C20orf96: variants seen among roughly 807,000 people sequenced by gnomAD.
C20orf96 encodes the protein chromosome 20 open reading frame 96.
Under a neutral mutation model 52.6 loss-of-function variants are expected in C20orf96, and 57 were observed. The observed-to-expected ratio is 1.08, with a 90% CI of 0.88 to 1.35. The LOEUF is 1.35. Ranked by LOEUF, C20orf96 falls within the 40% of genes most tolerant of loss-of-function variation. C20orf96 has a pLI of 0.00. For synonymous variants in C20orf96, 168 were observed against 157.2 expected (o/e 1.07, Z -0.51); for missense variants, 478 against 443.6 (o/e 1.08, Z -0.70).
chr20:279,350 C>A lies in C20orf96; in HGVS notation c.307-20G>T, dbSNP rs749427554. ...CGAGGTCTGCGGGCGGAGGGAAGAGCAGAGAGGCGGCGCTGCGCCCTGCCC... is the reference window on the plus strand; with the variant it reads ...CGAGGTCTGCGGGCGGAGGGAAGAGAAGAGAGGCGGCGCTGCGCCCTGCCC... On this transcript the variant is annotated intron_variant, in intron 4 of 10. Transcript: ENST00000360321. 33 of 1,597,838 alleles carry A rather than the reference C, an allele frequency of 2.1e-5. No individual in the cohort carries two copies. The highest frequency in any genetic ancestry group is 2.8e-5 in the Non-Finnish European group (33 of 1,178,126).
chr20:287,360 G>C (rs1424527728), intron 3 of C20orf96, among the ~76,000 whole-genome samples: 1 of 152,112 alleles, frequency 6.6e-6, no homozygotes, highest in African/African-American at 2.4e-5. Flanking sequence ...TAGCCATTTC[G>C]ATAGGTGTGC....
chr20:284,222 C>A (rs6046939), intron 3 of C20orf96, 141 bp from the exon 4 acceptor site: 2 of 636,954 alleles, frequency 3.1e-6, no homozygotes, highest in Admixed American at 5.3e-5. Context: ...GACACTAGAC[C>A]GAGGGTGAAA....
At chr20:277,950 C>T (rs1359657755) in intron 6 of C20orf96, among the ~76,000 whole-genome samples, 2 of 152,192 alleles carry the variant, frequency 1.3e-5, no homozygotes, top group African/African-American at 4.8e-5. Flanking sequence ...CCAGAAGGAC[C>T]TTGGCAGGAA....
At chr20:287,726 C>T (rs1055114041) in intron 3 of C20orf96, among the ~76,000 whole-genome samples, 2 of 151,826 alleles carry the variant, frequency 1.3e-5, no homozygotes, top group African/African-American at 2.4e-5. Context: ...GTCACAAGTT[C>T]GAGACCAGCC....
intron 5 of C20orf96, among the ~76,000 whole-genome samples, 180 bp from the exon 6 acceptor site, chr20:278,609 A>G (rs1023557599): frequency 6.6e-6 from 1 of 151,916 alleles, no homozygotes; most frequent in African/African-American, 2.4e-5. Context: ...ATAAAGACAT[A>G]CAGATCGCTT....
chr20:278,144 G>T (rs78944940), intron 6 of C20orf96, among the ~76,000 whole-genome samples, 186 bp downstream of exon 6: 3,934 of 152,296 alleles, frequency 0.026, 81 homozygotes, highest in Non-Finnish European at 0.043. Context: ...CCCAGATACG[G>T]GGCCTGGAAA....
At chr20:276,355 G>C in intron 9 of C20orf96, 1 of 985,352 alleles carries the variant, frequency 1.0e-6, no homozygotes, top group Non-Finnish European at 1.2e-6. Context: ...TCAATCATGG[G>C]AATGAATGGA....
chr20:276,316 G>C (rs1157993313), intron 9 of C20orf96: 1 of 985,332 alleles, frequency 1.0e-6, no homozygotes, highest in African/African-American at 1.7e-5. Flanking sequence ...ATGGAGAATG[G>C]AGACAGGTTA....
At chr20:274,683 C>A (rs552064034) in intron 10 of C20orf96, among the ~76,000 whole-genome samples, 1 of 152,282 alleles carries the variant, frequency 6.6e-6, no homozygotes, top group South Asian at 2.1e-4. Flanking sequence ...TCAGCTCCCC[C>A]ATCAGTCTCT....
chr20:276,888 G>A lies in C20orf96; in HGVS notation c.826-9C>T, dbSNP rs1317555709. On this transcript the variant is annotated splice_polypyrimidine_tract_variant and intron_variant, in intron 8 of 10. Transcript: ENST00000360321. ...TAGGGACGCTGGGTTTCCTGTGGAG[G>A]AAGAAGAGGTCTGGCCCCCAGGTGC... is the stretch of plus-strand genomic sequence containing the variant. The A allele has an allele frequency of 6.2e-7, 1 of 1,613,854 alleles. No individual in the cohort carries two copies. The highest frequency in any genetic ancestry group is 1.7e-5 in the Admixed American group (1 of 59,988).
chr20:278,546 A>C (rs2012104771), intron 5 of C20orf96, 117 bp from the exon 6 acceptor site: 2 of 758,498 alleles, frequency 2.6e-6, no homozygotes, highest in Non-Finnish European at 4.8e-6. Flanking sequence ...ACCTGACCAG[A>C]GGCTAATCGG....
chr20:289,615 T>A lies in C20orf96; in HGVS notation c.131A>T (p.Gln44Leu). The A allele has an allele frequency of 6.2e-7, 1 of 1,614,134 alleles. No individual in the cohort carries two copies. Among genetic ancestry groups the A allele is most frequent in the Non-Finnish European group, 8.5e-7 (1 of 1,179,986 alleles). Residue 44 changes from glutamine (Q) to leucine (L), a missense_variant, in exon 3 of 11, where the codon CAA becomes CTA. Physicochemically the swap from Gln to Leu is moderately radical, Grantham distance 113. Coordinates refer to ENST00000360321, the MANE Select transcript of C20orf96 (RefSeq NM_153269.3). ...GCTTGTATGAAGGCTGTTGGCTTGT[T>A]GGACTGGAGGCAGAGTAGATGGCTT... The part of the protein sequence containing the change: ...ETKPSTLPPV[Q>L]QANSLHTSKM...
intron 3 of C20orf96, among the ~76,000 whole-genome samples, chr20:285,831 C>A (rs2012371093): frequency 6.6e-6 from 1 of 152,178 alleles, no homozygotes; most frequent in South Asian, 2.1e-4. Context: ...GCCTCAGCCT[C>A]CCAAAGTGCT....
At chr20:272,161 TTCTC>T (rs2011861202) in intron 10 of C20orf96, among the ~76,000 whole-genome samples, 1 of 151,978 alleles carries the variant, frequency 6.6e-6, no homozygotes, top group African/African-American at 2.4e-5. Flanking sequence ...CATTATATCA[TTCTC>T]TCTTCTTTAT....
Position 290,700 on chromosome 20 carries a change from A to G in C20orf96, c.-90T>C, listed in dbSNP as rs79138518. ...TTTTCCAACTTCCTTGTCTCAGTGTAGATCGCGCGGTAACCCAGGCCACTC... is the reference window on the plus strand; with the variant it reads ...TTTTCCAACTTCCTTGTCTCAGTGTGGATCGCGCGGTAACCCAGGCCACTC... On this transcript the variant is annotated 5_prime_UTR_variant, in exon 1 of 11. Coordinates refer to ENST00000360321, the MANE Select transcript of C20orf96 (RefSeq NM_153269.3). 6.5e-3 allele frequency: 9,970 copies of G among 1,539,576 alleles called. 563 individuals are homozygous for G. The African/African-American group carries it at 0.12, about 19-fold the overall frequency.
rs1401139154 is a variant in C20orf96, at chr20:289,605, G to C, written c.141C>G (p.Asn47Lys). ...PSTLPPVQQANSLHTSKMKTL... is the reference protein window; with the variant it reads ...PSTLPPVQQAKSLHTSKMKTL... The stretch of plus-strand genomic sequence containing the variant: ...TCTTCATTTTGCTTGTATGAAGGCT[G>C]TTGGCTTGTTGGACTGGAGGCAGAG... Residue 47 changes from asparagine to lysine, a missense_variant, in exon 3 of 11, where the codon AAC becomes AAG. Coordinates refer to ENST00000360321, the MANE Select transcript of C20orf96 (RefSeq NM_153269.3). 1 of 1,614,106 alleles carries C rather than the reference G, an allele frequency of 6.2e-7. No individual in the cohort carries two copies. Among genetic ancestry groups the C allele is most frequent in the Non-Finnish European group, 8.5e-7 (1 of 1,179,980 alleles).
At chr20:285,403 T>C (rs376646712) in intron 3 of C20orf96, among the ~76,000 whole-genome samples, 8 of 152,342 alleles carry the variant, frequency 5.3e-5, no homozygotes, top group African/African-American at 1.9e-4. Context: ...TCAATGTCCT[T>C]CATCCTGAGA....
At chr20:290,554 T>C (rs1179519247) in intron 1 of C20orf96, 37 bp downstream of exon 1, 3 of 1,586,548 alleles carry the variant, frequency 1.9e-6, no homozygotes, top group Non-Finnish European at 2.6e-6. Flanking sequence ...GTATTCCGCC[T>C]TTCTTCCAAT....
Position 278,469 on chromosome 20 carries a change from T to G in C20orf96, c.466-40A>C, listed in dbSNP as rs1223664811. On this transcript the variant is annotated intron_variant, in intron 5 of 10. Coordinates refer to ENST00000360321, the MANE Select transcript of C20orf96 (RefSeq NM_153269.3). ...GAGTCAACTCACCCACAGGCTCTGC[T>G]GGCTCTCAGAGGCGGCCACCCAGCA... is the stretch of plus-strand genomic sequence containing the variant. The G allele has an allele frequency of 3.9e-6, 6 of 1,540,648 alleles. No homozygotes were observed. The Admixed American group carries it at 8.3e-5, about 21-fold the overall frequency.
Sources: gnomAD v4.1 joint callset for allele counts (sites outside exome capture counted in the v4.1 genomes callset) on GRCh38, gnomAD v4.1.1 for gene constraint, MANE v1.5 for transcripts, NCBI Gene and HGNC (gene_info 2026-07-23, HGNC 2026-07-21) for gene names.